Variants in MYOM2 observed in about 807,000 individuals in gnomAD.
MYOM2 encodes myomesin 2, also known as myomesin-2.
Under a neutral mutation model 187.6 loss-of-function variants are expected in MYOM2, and 254 were observed. The ratio of observed to expected loss-of-function variants is 1.35; its 90% CI spans 1.22 to 1.50. The LOEUF (loss-of-function observed/expected upper bound fraction) is 1.50, where lower values mean the gene tolerates loss of function less well. MYOM2 is among the 40% of genes most tolerant of loss of function. The probability of loss-of-function intolerance (pLI) is 0.00; values close to 1 mark genes in which losing one functional copy is unlikely to be tolerated. For missense variants in MYOM2, 2,796 were observed against 1,924.0 expected (o/e 1.45, Z -8.48); for synonymous variants, 981 against 753.8 (o/e 1.30, Z -4.94).
At chr8:2,078,635 C>G (rs1417448485) in intron 11 of MYOM2, 99 bp from the exon 12 acceptor site, 2 of 1,072,912 alleles carry the variant, frequency 1.9e-6, no homozygotes, top group Non-Finnish European at 2.8e-6. Context: ...AGATATTGTC[C>G]TGTTATAATC....
chr8:2,054,126 G>A (rs953464099), intron 3 of MYOM2, among the ~76,000 whole-genome samples: 3 of 152,170 alleles, frequency 2.0e-5, no homozygotes, highest in African/African-American at 7.2e-5. Context: ...TCACAAGCAT[G>A]TATTTATCCC....
At position 2,106,321 on chromosome 8, in the gene MYOM2, G is replaced by C. The variant is rs61732779; in HGVS notation, c.2814G>C (p.Ala938=). The stretch of plus-strand genomic sequence containing the variant: ...TCGACTGCCAGGAAATGACAGACGC[G>C]TCTCAGTTCACCTGGTGTAAATCCT... ...LGFDCQEMTD[A]SQFTWCKSYE... is the part of the protein sequence containing the mutation. The change falls in exon 22 of 37, where the codon GCG becomes GCC. Residue 938 remains alanine, a synonymous_variant. Coordinates refer to ENST00000262113, the MANE Select transcript of MYOM2 (RefSeq NM_003970.4). 6.2e-7 allele frequency: 1 copy of C among 1,614,136 alleles called. No homozygotes were observed. Among genetic ancestry groups the C allele is most frequent in the Non-Finnish European group, 8.5e-7 (1 of 1,179,988 alleles).
chr8:2,048,695 G>A (rs533904029), intron 1 of MYOM2, among the ~76,000 whole-genome samples: 31 of 152,324 alleles, frequency 2.0e-4, no homozygotes, highest in Admixed American at 4.6e-4. Context: ...AAACCTGGGC[G>A]CTTGACCTCT....
At chr8:2,090,324 C>T (rs1270833889) in intron 15 of MYOM2, 133 bp downstream of exon 15, 3 of 786,006 alleles carry the variant, frequency 3.8e-6, no homozygotes, top group Non-Finnish European at 5.6e-6. Context: ...TAAAACTTCA[C>T]TTTACGAGAG....
In MYOM2 at chr8:2,106,248, A is replaced by G. The variant is rs377663358; in HGVS notation, c.2741A>G (p.Lys914Arg). ...TCATACTCTTCTTATGCAGGCACCA[A>G]GGAAATCAGTGCTGGTGTCGATGAA... ...PVLVEARPGT[K>R]EISAGVDEQG... is the part of the protein sequence containing the mutation. Residue 914 changes from lysine to arginine, a missense_variant, in exon 22 of 37, where the codon AAG (lysine) becomes AGG (arginine). Lys to Arg is a conservative substitution (Grantham distance 26, BLOSUM62 2). Transcript: ENST00000262113. 3.1e-6 allele frequency: 5 copies of G among 1,613,956 alleles called. No homozygotes were observed. The African/African-American group carries it at 4.0e-5, about 13-fold the overall frequency.
intron 4 of MYOM2, 38 bp downstream of exon 4, chr8:2,057,524 G>C (rs748102012): frequency 1.2e-6 from 2 of 1,613,362 alleles, no homozygotes; most frequent in Admixed American, 1.7e-5. Flanking sequence ...TCTGGGAAGC[G>C]TGGACTAGAT....
intron 23 of MYOM2, among the ~76,000 whole-genome samples, chr8:2,108,121 C>T (rs1204151384): frequency 3.9e-5 from 6 of 152,132 alleles, no homozygotes; most frequent in African/African-American, 7.2e-5. Flanking sequence ...TCTTGAAGGC[C>T]TTGGAGATCA....
In MYOM2 at chr8:2,100,107, T is replaced by TC. The variant is rs1374456628; in HGVS notation, c.2441-768dup. Among the ~76,000 whole-genome samples the TC allele has an allele frequency of 1.0e-3, 92 of 90,916 alleles. 1 individual carries two copies. Among genetic ancestry groups the TC allele is most frequent in the African/African-American group, 3.4e-3 (81 of 23,750 alleles). The allele number at this position is 90,916 out of a possible 152,430, so 59.6% of individuals were successfully genotyped here. A position where few individuals can be genotyped will look rare whatever the true frequency, so the allele number is the denominator to read the frequency against. ...TTCTTTCCTTCCTTCCTTCCTTCCT[T>TC]CTTTCTTTCCTTCCTTCCTTCTTTC... On this transcript the variant is annotated intron_variant, in intron 19 of 36. Transcript: ENST00000262113.
In MYOM2 at chr8:2,109,667, A is replaced by C. The variant is rs62478422; in HGVS notation, c.3180+136A>C. 8.1e-4 allele frequency: 777 copies of C among 961,662 alleles called. 10 individuals carry two copies. The African/African-American group carries it at 0.011, about 14-fold the overall frequency. 59.6% of individuals were successfully genotyped at this position (961,662 alleles called of 1,614,324 possible). A position where few individuals can be genotyped will look rare whatever the true frequency, so the allele number is the denominator to read the frequency against. Reference sequence around the variant, plus strand: ...TTAAAGATTGGGGCATGGAAGGTTGACAAGATGAATGGAGATGGTTGATTC... The same window carrying C: ...TTAAAGATTGGGGCATGGAAGGTTGCCAAGATGAATGGAGATGGTTGATTC... On this transcript the variant is annotated intron_variant, in intron 25 of 36. Coordinates refer to ENST00000262113, the MANE Select transcript of MYOM2 (RefSeq NM_003970.4).
At chr8:2,108,433 A>C (rs1040818098) in intron 23 of MYOM2, among the ~76,000 whole-genome samples, 1 of 152,064 alleles carries the variant, frequency 6.6e-6, no homozygotes, top group African/African-American at 2.4e-5. Flanking sequence ...AGTGCAATCA[A>C]TTTTAGGAAA....
intron 3 of MYOM2, 59 bp downstream of exon 3, chr8:2,052,372 C>A: frequency 6.6e-7 from 1 of 1,515,736 alleles, no homozygotes. Flanking sequence ...AGTGGAGGGA[C>A]AGTGGGGTGA....
rs542657766 is a variant in MYOM2 at position 2,107,309 on chromosome 8, T to C, written c.2998+712T>C. 3.9e-5 allele frequency among the ~76,000 whole-genome samples: 6 copies of C among 152,262 alleles called. No individual in the cohort carries two copies. The South Asian group carries it at 1.2e-3, about 32-fold the overall frequency. ...CGTGAACTCGTAGGGCTGGATGGTA[T>C]CCTCAGATTTCTGGGTTTCTTTGGG... On this transcript the variant is annotated intron_variant, in intron 23 of 36. Coordinates refer to ENST00000262113, the MANE Select transcript of MYOM2 (RefSeq NM_003970.4).
rs77776843 is a variant in MYOM2 at position 2,121,875 on chromosome 8, C to T, written c.3454-1377C>T. 2.8e-3 allele frequency among the ~76,000 whole-genome samples: 419 copies of T among 152,266 alleles called. 2 individuals are homozygous for T. Among genetic ancestry groups the T allele is most frequent in the South Asian group, 0.012 (60 of 4,828 alleles). ...AGGTGATGTAATCATCTTTCCTAGA[C>T]ATTCATGTGCAGTTTAGGTGCCCAT... is the stretch of plus-strand genomic sequence containing the variant. On this transcript the variant is annotated intron_variant, in intron 28 of 36. Coordinates refer to ENST00000262113, the MANE Select transcript of MYOM2 (RefSeq NM_003970.4).
chr8:2,101,427 T>C (rs1796706117), intron 20 of MYOM2, among the ~76,000 whole-genome samples: 1 of 152,228 alleles, frequency 6.6e-6, no homozygotes, highest in Admixed American at 6.5e-5. Context: ...TCTTGGCGTT[T>C]CCCTCTGTGT....
At position 2,106,297 on chromosome 8, in the gene MYOM2, C is replaced by G. The variant is rs555520987; in HGVS notation, c.2790C>G (p.Phe930Leu). Residue 930 changes from phenylalanine (F) to leucine (L), a missense_variant, in exon 22 of 37, where the codon TTC (phenylalanine) becomes TTG (leucine). Transcript: ENST00000262113. ...AACAAGGCAACATCTATCTGGGCTT[C>G]GACTGCCAGGAAATGACAGACGCGT... is the stretch of plus-strand genomic sequence containing the variant. ...VDEQGNIYLGFDCQEMTDASQ... is the reference protein window; with the variant it reads ...VDEQGNIYLGLDCQEMTDASQ... 3 of 1,614,110 alleles carry G rather than the reference C, an allele frequency of 1.9e-6. No individual in the cohort carries two copies. The highest frequency in any genetic ancestry group is 2.5e-6 in the Non-Finnish European group (3 of 1,180,022).
At chr8:2,092,594 G>A (rs772034417) in intron 16 of MYOM2, 74 bp downstream of exon 16, 8 of 1,468,768 alleles carry the variant, frequency 5.4e-6, no homozygotes, top group Non-Finnish European at 5.6e-6. Context: ...TGTGGCCCTG[G>A]CACAGGGAGT....
intron 30 of MYOM2, among the ~76,000 whole-genome samples, chr8:2,123,920 G>C (rs945273872): frequency 1.3e-5 from 2 of 152,330 alleles, no homozygotes; most frequent in South Asian, 4.1e-4. Context: ...TAAAATGATG[G>C]AAACACTGAG....
chr8:2,057,495 G>C lies in MYOM2; in HGVS notation c.402+9G>C, dbSNP rs764390673. On this transcript the variant is annotated intron_variant, in intron 4 of 36. Transcript: ENST00000262113. ...ACGCCATTCAGCAGATGGTAGGAGGGTCTCAGGGTGGCTGGGTGTCTGGGA... is the reference window on the plus strand; with the variant it reads ...ACGCCATTCAGCAGATGGTAGGAGGCTCTCAGGGTGGCTGGGTGTCTGGGA... The C allele has an allele frequency of 2.5e-5, 41 of 1,613,828 alleles. No individual in the cohort carries two copies. The Middle Eastern group carries it at 6.6e-4, about 26-fold the overall frequency.
chr8:2,047,379 G>C (rs888835276), intron 1 of MYOM2, among the ~76,000 whole-genome samples: 36 of 152,194 alleles, frequency 2.4e-4, no homozygotes, highest in Non-Finnish European at 2.4e-4. Flanking sequence ...ACACATTCAG[G>C]GTGGGTGAGG....
Sources: allele counts gnomAD v4.1 joint callset (sites outside exome capture counted in the v4.1 genomes callset), GRCh38; gene constraint gnomAD v4.1.1; transcripts MANE v1.5; gene names NCBI Gene and HGNC (gene_info 2026-07-23, HGNC 2026-07-21).